Variants in CEP128 observed in about 807,000 individuals in gnomAD.
The protein encoded by CEP128 is centrosomal protein 128kDa.
A neutral mutation model predicts 156.7 loss-of-function variants in CEP128; 132 were observed. That is an observed-to-expected ratio of 0.84 (90% CI 0.73 to 0.97). The LOEUF (loss-of-function observed/expected upper bound fraction) is 0.97. Among genes scored for constraint, CEP128 ranks in the 50% least tolerant of loss-of-function variants. CEP128 has a pLI of 0.00. For missense variants in CEP128, 1,252 were observed against 1,281.9 expected (o/e 0.98, Z 0.36); for synonymous variants, 469 against 448.9 (o/e 1.04, Z -0.57).
At chr14:80,932,325 C>T (rs540553884) in intron 2 of CEP128, among the ~76,000 whole-genome samples, 5 of 152,310 alleles carry the variant, frequency 3.3e-5, no homozygotes, top group East Asian at 1.9e-4. Flanking sequence ...GAAATGGTTC[C>T]GCAACCCACT....
chr14:80,795,739 C>T (rs922221271), intron 13 of CEP128, among the ~76,000 whole-genome samples: 1 of 152,192 alleles, frequency 6.6e-6, no homozygotes, highest in African/African-American at 2.4e-5. Flanking sequence ...ACTATAACTC[C>T]TCCTTCAGAA....
intron 20 of CEP128, among the ~76,000 whole-genome samples, chr14:80,573,055 TG>T (rs1404964323): frequency 2.0e-5 from 3 of 151,542 alleles, no homozygotes; most frequent in Non-Finnish European, 4.4e-5. Flanking sequence ...CCCAAGTAGC[TG>T]GGATTACAGG....
At chr14:80,531,256 G>A (rs1176179998) in intron 21 of CEP128, among the ~76,000 whole-genome samples, 1 of 152,124 alleles carries the variant, frequency 6.6e-6, no homozygotes, top group Non-Finnish European at 1.5e-5. Flanking sequence ...CTGAGAAACA[G>A]ATGAATCTGC....
intron 10 of CEP128, among the ~76,000 whole-genome samples, chr14:80,839,018 G>C (rs1474242556): frequency 6.6e-6 from 1 of 152,154 alleles, no homozygotes; most frequent in Non-Finnish European, 1.5e-5. Context: ...AGAATGGCGT[G>C]AACCTGGGAG....
intron 13 of CEP128, among the ~76,000 whole-genome samples, chr14:80,808,998 TTC>T (rs1456235143): frequency 6.6e-6 from 1 of 152,052 alleles, no homozygotes; most frequent in African/African-American, 2.4e-5. Context: ...AAAACAGTAA[TTC>T]CCTAGCAAAC....
chr14:80,750,902 G>T (rs948505918), intron 18 of CEP128, among the ~76,000 whole-genome samples: 15 of 152,136 alleles, frequency 9.9e-5, no homozygotes, highest in Admixed American at 6.5e-4. Context: ...CCTTTAGGGA[G>T]GAAATTAAGG....
At chr14:80,866,267 G>T (rs910602477) in intron 8 of CEP128, among the ~76,000 whole-genome samples, 1 of 152,194 alleles carries the variant, frequency 6.6e-6, no homozygotes, top group Admixed American at 6.5e-5. Context: ...CACAGTGCCA[G>T]ACCAGCTCCT....
intron 20 of CEP128, among the ~76,000 whole-genome samples, chr14:80,568,129 T>C (rs1890993360): frequency 6.6e-6 from 1 of 152,176 alleles, no homozygotes; most frequent in Non-Finnish European, 1.5e-5. Flanking sequence ...CACAAAGGGT[T>C]GTGTATCTGA....
At chr14:80,656,245 C>A (rs1479737831) in intron 19 of CEP128, among the ~76,000 whole-genome samples, 2 of 120,742 alleles carry the variant, frequency 1.7e-5, no homozygotes, top group African/African-American at 3.0e-5. Flanking sequence ...AGTGAAGGAT[C>A]CTCAAGTATT....
At position 80,801,910 on chromosome 14, in the gene CEP128, CA is replaced by C. The variant is rs71103882; in HGVS notation, c.1210-8801del. Among the ~76,000 whole-genome samples the C allele has an allele frequency of 2.6e-3, 112 of 43,372 alleles. 14 individuals are homozygous for C. The highest frequency in any genetic ancestry group is 8.3e-3 in the African/African-American group (73 of 8,774). 28.5% of individuals were successfully genotyped at this position (43,372 alleles called of 152,430 possible). On this transcript the variant is annotated intron_variant, in intron 13 of 24. Coordinates refer to ENST00000555265, the MANE Select transcript of CEP128 (RefSeq NM_152446.5). ...GTGACAGTGTGAGACTCTGTCTCCC[CA>C]AAAAAAAAAAAAAAAAAAAAAAAAA...
chr14:80,495,430 G>A (rs917594092), downstream of CEP128, among the ~76,000 whole-genome samples: 15 of 152,218 alleles, frequency 9.9e-5, no homozygotes, highest in East Asian at 2.3e-3. Flanking sequence ...ACAAAAAGTT[G>A]ACTTTGCCTT....
At chr14:80,789,181 A>C (rs984853953) in intron 14 of CEP128, among the ~76,000 whole-genome samples, 1 of 152,198 alleles carries the variant, frequency 6.6e-6, no homozygotes, top group Non-Finnish European at 1.5e-5. Flanking sequence ...AACAACATCA[A>C]AGTAGCTTTC....
At chr14:80,489,050 G>A (rs2140156427), downstream of CEP128, among the ~76,000 whole-genome samples, 1 of 150,984 alleles carries the variant, frequency 6.6e-6, no homozygotes, top group Admixed American at 6.6e-5. Context: ...CGAGTTAATG[G>A]GTGCAGCACA....
At position 80,619,387 on chromosome 14, in the gene CEP128, C is replaced by CACACACACAG. The variant is rs1555383098; in HGVS notation, c.2807-38965_2807-38964insCTGTGTGTGT. 2.2e-3 allele frequency among the ~76,000 whole-genome samples: 327 copies of CACACACACAG among 151,480 alleles called. 2 individuals carry two copies. The highest frequency in any genetic ancestry group is 7.2e-3 in the African/African-American group (296 of 41,350). On this transcript the variant is annotated intron_variant, in intron 19 of 24. Coordinates refer to ENST00000555265, the MANE Select transcript of CEP128 (RefSeq NM_152446.5). ...ACACAGACACACACACACACACACA[C>CACACACACAG]ACACACACACACACACACAAATAGA...
At chr14:80,769,327 G>A (rs1276006582) in intron 16 of CEP128, among the ~76,000 whole-genome samples, 3 of 149,630 alleles carry the variant, frequency 2.0e-5, no homozygotes, top group Non-Finnish European at 4.4e-5. Context: ...TGTGCACAAC[G>A]TGCAGGTTTG....
chr14:80,768,721 G>A (rs964642548), intron 16 of CEP128, among the ~76,000 whole-genome samples: 1 of 152,120 alleles, frequency 6.6e-6, no homozygotes, highest in Admixed American at 6.6e-5. Context: ...CCTGGTCTTA[G>A]GCAGGCTTAC....
At position 80,497,467 on chromosome 14, in the gene CEP128, A is replaced by G. The variant is rs761103729; in HGVS notation, c.*12T>C. The G allele has an allele frequency of 6.8e-5, 104 of 1,537,476 alleles. No individual in the cohort carries two copies. The highest frequency in any genetic ancestry group is 1.7e-4 in the Middle Eastern group (1 of 5,942). On this transcript the variant is annotated 3_prime_UTR_variant, in exon 25 of 25. Coordinates refer to ENST00000555265, the MANE Select transcript of CEP128 (RefSeq NM_152446.5). The stretch of plus-strand genomic sequence containing the variant: ...ACATACTCATGTAAAATAACAAATT[A>G]CATTTGCTTTTTTAGCTCCCATATT...
At chr14:80,797,689 C>T (rs1883570718) in intron 13 of CEP128, among the ~76,000 whole-genome samples, 1 of 152,130 alleles carries the variant, frequency 6.6e-6, no homozygotes, top group Non-Finnish European at 1.5e-5. Flanking sequence ...ACAGAACCCT[C>T]ATATCAATTC....
chr14:80,595,488 C>T (rs1892274407), intron 19 of CEP128, among the ~76,000 whole-genome samples: 1 of 151,878 alleles, frequency 6.6e-6, no homozygotes, highest in African/African-American at 2.4e-5. Context: ...AATTAATAAA[C>T]AGGAAGGGTA....
Sources: gnomAD v4.1 joint callset for allele counts (sites outside exome capture counted in the v4.1 genomes callset) on GRCh38, gnomAD v4.1.1 for gene constraint, MANE v1.5 for transcripts, NCBI Gene and HGNC (gene_info 2026-07-23, HGNC 2026-07-21) for gene names.